Variants in TNFSF8 observed in about 807,000 individuals in gnomAD.
TNFSF8 encodes TNF superfamily member 8, also known as tumor necrosis factor ligand superfamily member 8.
TNFSF8 carries 4 observed loss-of-function variants against 22.0 expected under a neutral mutation model. The ratio of observed to expected loss-of-function variants is 0.18; its 90% CI spans 0.09 to 0.42. The LOEUF (loss-of-function observed/expected upper bound fraction) is 0.42, where lower values mean the gene tolerates loss of function less well. TNFSF8 is among the 10% of genes least tolerant of loss of function. The probability of loss-of-function intolerance (pLI) is 1.00; values close to 1 mark genes in which losing one functional copy is unlikely to be tolerated. For synonymous variants in TNFSF8, 106 were observed against 112.5 expected (o/e 0.94, Z 0.37); for missense variants, 233 against 281.8 (o/e 0.83, Z 1.24).
Position 114,903,688 on chromosome 9 carries a change from T to A in TNFSF8, c.*243A>T, listed in dbSNP as rs1827745846. The A allele has an allele frequency of 8.3e-7, 1 of 1,204,316 alleles. No individual in the cohort carries two copies. The highest frequency in any genetic ancestry group is 4.1e-5 in the Admixed American group (1 of 24,464). The allele number at this position is 1,204,316 out of a possible 1,614,324, so 74.6% of individuals were successfully genotyped here. A position where few individuals can be genotyped will look rare whatever the true frequency, so the allele number is the denominator to read the frequency against. ...GACATCCATTCATCCCTTCTGATTC[T>A]GTGTGGGGCTCTGCCCACCACACTA... On this transcript the variant is annotated 3_prime_UTR_variant, in exon 4 of 4. Coordinates refer to ENST00000223795, the MANE Select transcript of TNFSF8 (RefSeq NM_001244.4).
chr9:114,910,152 A>G (rs1039132383), intron 2 of TNFSF8, among the ~76,000 whole-genome samples: 1 of 152,144 alleles, frequency 6.6e-6, no homozygotes, highest in African/African-American at 2.4e-5. Context: ...GGATCATGGG[A>G]CTTTCTGTGG....
chr9:114,901,154 A>C lies in TNFSF8; in HGVS notation c.*2777T>G. 2 of 985,290 alleles carry C rather than the reference A, an allele frequency of 2.0e-6. No homozygotes were observed. The highest frequency in any genetic ancestry group is 2.4e-6 in the Non-Finnish European group (2 of 829,882). 61.0% of individuals were successfully genotyped at this position (985,290 alleles called of 1,614,324 possible). A position where few individuals can be genotyped will look rare whatever the true frequency, so the allele number is the denominator to read the frequency against. Reference sequence around the variant, plus strand: ...TTTTAGGTAGCCTGAGTTCCCAGTTAGATAAATTATTTATTTTACTTGCAT... The same window carrying C: ...TTTTAGGTAGCCTGAGTTCCCAGTTCGATAAATTATTTATTTTACTTGCAT... On this transcript the variant is annotated 3_prime_UTR_variant, in exon 4 of 4. Coordinates refer to ENST00000223795, the MANE Select transcript of TNFSF8 (RefSeq NM_001244.4).
intron 2 of TNFSF8, among the ~76,000 whole-genome samples, chr9:114,909,352 C>G (rs1424010216): frequency 2.0e-5 from 3 of 152,106 alleles, no homozygotes; most frequent in South Asian, 2.1e-4. Flanking sequence ...AAAAGTGATG[C>G]CTGGAGAGGT....
intron 2 of TNFSF8, 58 bp downstream of exon 2, chr9:114,918,038 T>C (rs1827941438): frequency 6.6e-7 from 1 of 1,521,020 alleles, no homozygotes. Flanking sequence ...GGTTTCACAC[T>C]TTATGGCATT....
intron 2 of TNFSF8, among the ~76,000 whole-genome samples, chr9:114,909,943 G>T (rs1323482094): frequency 6.6e-6 from 1 of 152,196 alleles, no homozygotes; most frequent in Non-Finnish European, 1.5e-5. Context: ...CCTCAATGTT[G>T]CCCCTATGGC....
At chr9:114,923,353 C>T (rs773687477) in intron 1 of TNFSF8, among the ~76,000 whole-genome samples, 2 of 152,164 alleles carry the variant, frequency 1.3e-5, no homozygotes, top group African/African-American at 2.4e-5. Context: ...TAGGCATTCC[C>T]TCTTTTTCAA....
downstream of TNFSF8, among the ~76,000 whole-genome samples, chr9:114,896,227 A>C (rs1587927990): frequency 6.6e-6 from 1 of 152,332 alleles, no homozygotes; most frequent in Non-Finnish European, 1.5e-5. Flanking sequence ...ATTCTGTTCC[A>C]GTTTTTAGGT....
chr9:114,912,649 A>G (rs1827866606), intron 2 of TNFSF8, among the ~76,000 whole-genome samples: 1 of 152,164 alleles, frequency 6.6e-6, no homozygotes, highest in Non-Finnish European at 1.5e-5. Flanking sequence ...TCAGCCTCCC[A>G]AAGTGCACGT....
intron 1 of TNFSF8, among the ~76,000 whole-genome samples, chr9:114,924,882 C>T (rs755826222): frequency 1.1e-4 from 16 of 152,164 alleles, no homozygotes; most frequent in Non-Finnish European, 2.2e-4. Flanking sequence ...GGGACCTCCC[C>T]ACATAACCTC....
At chr9:114,899,856 C>T (rs904664007), downstream of TNFSF8, among the ~76,000 whole-genome samples, 6 of 152,250 alleles carry the variant, frequency 3.9e-5, no homozygotes, top group Middle Eastern at 3.4e-3. Flanking sequence ...TCTAAACCCT[C>T]GCTAGCCATG....
At chr9:114,912,684 G>T (rs1384830494) in intron 2 of TNFSF8, among the ~76,000 whole-genome samples, 2 of 152,222 alleles carry the variant, frequency 1.3e-5, no homozygotes, top group African/African-American at 4.8e-5. Flanking sequence ...TTCCAGTGTG[G>T]TGTTCCGCTA....
Position 114,904,212 on chromosome 9 carries a change from T to C in TNFSF8, c.424A>G (p.Ile142Val). The C allele has an allele frequency of 6.2e-7, 1 of 1,614,144 alleles. No individual in the cohort carries two copies. The highest frequency in any genetic ancestry group is 1.7e-5 in the Admixed American group (1 of 60,018). The change falls in exon 4 of 4, where the codon ATT (isoleucine) becomes GTT (valine). Residue 142 changes from isoleucine (I) to valine (V), a missense_variant. Transcript: ENST00000223795. ...VIQFPGLYFI[I>V]CQLQFLVQCP... The stretch of plus-strand genomic sequence containing the variant: ...TGTACAAGAAACTGCAGTTGGCAAA[T>C]GATGAAGTACAAACCAGGGAATTGG...
rs546995671 is a variant in TNFSF8 at position 114,894,681 on chromosome 9, G to C, written c.410-517C>G. On this transcript the variant is annotated intron_variant, in intron 4 of 4. Coordinates refer to the TNFSF8 transcript ENST00000618336. ...ATGCAGTAGACTACAGTATTTGAAG[G>C]CTTCCATGTGGTGCCTGAAACCTGG... Among the ~76,000 whole-genome samples the C allele has an allele frequency of 4.6e-5, 7 of 152,276 alleles. No homozygotes were observed. The East Asian group carries it at 1.4e-3, about 29-fold the overall frequency.
chr9:114,912,913 C>T (rs1827870167), intron 2 of TNFSF8, among the ~76,000 whole-genome samples: 1 of 152,182 alleles, frequency 6.6e-6, no homozygotes, highest in South Asian at 2.1e-4. Context: ...GCTGCCACGC[C>T]TTATAAAATT....
intron 1 of TNFSF8, among the ~76,000 whole-genome samples, chr9:114,918,453 CTT>C (rs11322814): frequency 1.0e-3 from 145 of 142,948 alleles, no homozygotes; most frequent in Non-Finnish European, 1.1e-3. Context: ...AGAGCTGGGA[CTT>C]TTTTTTTTTT....
intron 1 of TNFSF8, 112 bp downstream of exon 1, chr9:114,929,997 A>T: frequency 3.0e-6 from 2 of 658,112 alleles, no homozygotes; most frequent in Non-Finnish European, 4.7e-6. Context: ...GAGTTTATTT[A>T]TTTAATTTTA....
At chr9:114,899,979 A>G (rs1827698409), downstream of TNFSF8, among the ~76,000 whole-genome samples, 1 of 152,248 alleles carries the variant, frequency 6.6e-6, no homozygotes, top group Admixed American at 6.5e-5. Context: ...TGCTTATTGT[A>G]GCTTTGTGTG....
intron 1 of TNFSF8, among the ~76,000 whole-genome samples, chr9:114,923,478 T>TTTC (rs1828014677): frequency 9.5e-6 from 1 of 105,682 alleles, no homozygotes. Flanking sequence ...TTTTCTTTCT[T>TTTC]TTTCTTTCTT....
intron 2 of TNFSF8, among the ~76,000 whole-genome samples, chr9:114,911,692 G>A (rs181056403): frequency 1.1e-3 from 174 of 152,280 alleles, no homozygotes; most frequent in African/African-American, 4.0e-3. Flanking sequence ...TTAAGGTCAA[G>A]TTGGAATTCC....
Sources: gnomAD v4.1 joint callset for allele counts (sites outside exome capture counted in the v4.1 genomes callset) on GRCh38, gnomAD v4.1.1 for gene constraint, MANE v1.5 for transcripts, NCBI Gene and HGNC (gene_info 2026-07-23, HGNC 2026-07-21) for gene names.